PCLO: variants seen among roughly 807,000 people sequenced by gnomAD.
The protein encoded by PCLO is piccolo presynaptic cytomatrix protein.
In PCLO, 82 loss-of-function variants were observed where a neutral mutation model predicts 427.5. The ratio of observed to expected loss-of-function variants is 0.19; its 90% CI spans 0.16 to 0.23. The LOEUF is 0.23. Among genes scored for constraint, PCLO ranks in the 10% least tolerant of loss-of-function variants. The pLI, the probability that PCLO is intolerant of heterozygous loss-of-function variation, is 1.00. For missense variants in PCLO, 6,239 were observed against 6,115.9 expected (o/e 1.02, Z -0.67); for synonymous variants, 2,357 against 2,155.4 (o/e 1.09, Z -2.59).
chr7:83,107,054 C>CT (rs1344227248), intron 3 of PCLO, among the ~76,000 whole-genome samples: 5 of 151,974 alleles, frequency 3.3e-5, no homozygotes, highest in Non-Finnish European at 7.4e-5. Context: ...CTTTCAGATT[C>CT]TTTTTTTATT....
intron 6 of PCLO, among the ~76,000 whole-genome samples, chr7:82,934,970 T>G (rs1448217746): frequency 3.3e-5 from 5 of 151,214 alleles, no homozygotes; most frequent in Non-Finnish European, 7.4e-5. Flanking sequence ...GATTAGAAAG[T>G]CTGTAATATT....
chr7:82,848,790 C>A (rs1013632308), intron 10 of PCLO: 17 of 242,648 alleles, frequency 7.0e-5, no homozygotes, highest in Non-Finnish European at 1.2e-4. Flanking sequence ...AAAACTTTTA[C>A]ACTATAGTCA....
At chr7:82,868,081 A>G (rs1055271574) in intron 10 of PCLO, 8 of 455,414 alleles carry the variant, frequency 1.8e-5, no homozygotes, top group African/African-American at 1.6e-4. Context: ...ATTTTGAGAA[A>G]TCTCATGCTA....
At chr7:82,983,867 G>A (rs1004420038) in intron 3 of PCLO, among the ~76,000 whole-genome samples, 1 of 151,880 alleles carries the variant, frequency 6.6e-6, no homozygotes, top group Non-Finnish European at 1.5e-5. Flanking sequence ...AAGAACAAGT[G>A]AAGATGTTAT....
At chr7:82,891,808 C>T (rs1238125121) in intron 9 of PCLO, among the ~76,000 whole-genome samples, 1 of 151,972 alleles carries the variant, frequency 6.6e-6, no homozygotes, top group Non-Finnish European at 1.5e-5. Context: ...TGGTTTTTGT[C>T]GTTGGTTCTG....
chr7:83,004,102 G>A (rs1329949896), intron 3 of PCLO, among the ~76,000 whole-genome samples: 2 of 151,618 alleles, frequency 1.3e-5, no homozygotes, highest in African/African-American at 2.4e-5. Context: ...ATGATGAAAA[G>A]CAAAATGAAA....
At chr7:82,958,316 ATCCT>A (rs1443880483) in intron 4 of PCLO, among the ~76,000 whole-genome samples, 10 of 145,536 alleles carry the variant, frequency 6.9e-5, no homozygotes, top group Non-Finnish European at 1.1e-4. Flanking sequence ...TCCTTCCTTC[ATCCT>A]TCCTTCCTTC....
chr7:83,022,514 A>G (rs918318627), intron 3 of PCLO, among the ~76,000 whole-genome samples: 1 of 152,312 alleles, frequency 6.6e-6, no homozygotes, highest in Non-Finnish European at 1.5e-5. Context: ...CTTGAAGACC[A>G]TAGGATTGTT....
intron 4 of PCLO, among the ~76,000 whole-genome samples, chr7:82,958,625 T>C (rs1795586721): frequency 6.6e-6 from 1 of 152,188 alleles, no homozygotes; most frequent in African/African-American, 2.4e-5. Flanking sequence ...AACTAATGCC[T>C]ACTCTTCAGT....
intron 16 of PCLO, among the ~76,000 whole-genome samples, chr7:82,834,738 G>A (rs1200532775): frequency 1.3e-5 from 2 of 152,120 alleles, no homozygotes; most frequent in Admixed American, 6.6e-5. Flanking sequence ...AGTTGACAGT[G>A]TAATGATGCA....
At chr7:83,149,671 C>T (rs1422648830) in intron 2 of PCLO, among the ~76,000 whole-genome samples, 1 of 152,198 alleles carries the variant, frequency 6.6e-6, no homozygotes, top group Non-Finnish European at 1.5e-5. Flanking sequence ...AGATTCCAGC[C>T]TCTTGACATT....
At chr7:83,093,869 T>C (rs1790457596) in intron 3 of PCLO, among the ~76,000 whole-genome samples, 1 of 146,874 alleles carries the variant, frequency 6.8e-6, no homozygotes, top group Non-Finnish European at 1.5e-5. Context: ...AATTTTGAGA[T>C]AATTGTAAAT....
rs1205114629 is a variant in PCLO, at chr7:82,915,171, C to G, written c.12815G>C (p.Arg4272Pro). ...ATCCGCTTCATCCTGCAGAGCTGAG[C>G]GTATGGTATTTCCTAATGTGCCCAG... Reference protein sequence around the residue: ...TGLGTLGNTIRSALQDEADKP... With the variant: ...TGLGTLGNTIPSALQDEADKP... Residue 4272 changes from arginine (R) to proline (P), a missense_variant, in exon 7 of 25, where the codon CGC becomes CCC. Around this residue, in one of 5 missense-constraint regions of PCLO, gnomAD observed 680 missense variants for 677.3 expected, o/e 1.00. Coordinates refer to ENST00000333891, the MANE Select transcript of PCLO (RefSeq NM_033026.6). 1 of 1,601,326 alleles carries G rather than the reference C, an allele frequency of 6.2e-7. No individual in the cohort carries two copies. Among genetic ancestry groups the G allele is most frequent in the African/African-American group, 1.3e-5 (1 of 74,690 alleles).
chr7:82,866,875 T>C (rs1793107916), intron 10 of PCLO, among the ~76,000 whole-genome samples: 2 of 152,176 alleles, frequency 1.3e-5, no homozygotes, highest in South Asian at 4.1e-4. Flanking sequence ...CTGGACAGTG[T>C]CTTGCCCTCA....
chr7:83,052,712 A>G (rs980794810), intron 3 of PCLO, among the ~76,000 whole-genome samples: 3 of 151,998 alleles, frequency 2.0e-5, no homozygotes, highest in African/African-American at 7.2e-5. Flanking sequence ...GTTGTTCTAT[A>G]GCTGTTAGTA....
chr7:82,825,412 G>C (rs926582834), intron 18 of PCLO, among the ~76,000 whole-genome samples: 1 of 152,028 alleles, frequency 6.6e-6, no homozygotes, highest in Non-Finnish European at 1.5e-5. Context: ...GCTAGAGCTG[G>C]ATGGAACTGG....
At chr7:82,889,075 A>C (rs2371367) in intron 9 of PCLO, among the ~76,000 whole-genome samples, 63,092 of 151,512 alleles carry the variant, frequency 0.42, 14,878 homozygotes, top group East Asian at 0.8. Flanking sequence ...GCGGAGCCAA[A>C]CAAGTCTTCC....
chr7:82,915,352 G>T lies in PCLO; in HGVS notation c.12634C>A (p.Leu4212Ile). 6.2e-7 allele frequency: 1 copy of T among 1,613,496 alleles called. No individual in the cohort carries two copies. Among genetic ancestry groups the T allele is most frequent in the Non-Finnish European group, 8.5e-7 (1 of 1,179,680 alleles). The change falls in exon 7 of 25, where the codon CTT (leucine) becomes ATT (isoleucine). Residue 4212 changes from leucine (L) to isoleucine (I), a missense_variant. Around this residue, in one of 5 missense-constraint regions of PCLO, gnomAD observed 680 missense variants for 677.3 expected, o/e 1.00. Coordinates refer to ENST00000333891, the MANE Select transcript of PCLO (RefSeq NM_033026.6). ...KFSPIQESRD[L>I]EPDYSSYMTS... ...ATATAGCTTGAATAATCAGGTTCAA[G>T]GTCTCTACTTTCTTGAATAGGTGAA...
At chr7:83,081,921 AAAAT>A (rs879938554) in intron 3 of PCLO, among the ~76,000 whole-genome samples, 1 of 151,786 alleles carries the variant, frequency 6.6e-6, no homozygotes, top group South Asian at 2.1e-4. Flanking sequence ...AAATGAGTAA[AAAAT>A]AAATATTTTA....
Sources: allele counts gnomAD v4.1 joint callset (sites outside exome capture counted in the v4.1 genomes callset), GRCh38; gene constraint gnomAD v4.1.1; regional missense constraint gnomAD v4.1.1; transcripts MANE v1.5; gene names NCBI Gene and HGNC (gene_info 2026-07-23, HGNC 2026-07-21).